Variants in MYO16 observed in about 807,000 individuals in gnomAD.
MYO16 encodes myosin XVI, also known as unconventional myosin-XVI.
A neutral mutation model predicts 205.3 loss-of-function variants in MYO16; 94 were observed. The observed-to-expected ratio is 0.46, with a 90% CI of 0.39 to 0.54. The LOEUF (loss-of-function observed/expected upper bound fraction) is 0.54, where lower values mean the gene tolerates loss of function less well. MYO16 is among the 20% of genes least tolerant of loss of function. The pLI, the probability that MYO16 is intolerant of heterozygous loss-of-function variation, is 0.00. For synonymous variants in MYO16, 988 were observed against 954.0 expected (o/e 1.04, Z -0.66); for missense variants, 2,315 against 2,387.5 (o/e 0.97, Z 0.63).
the MYO16 span, among the ~76,000 whole-genome samples, chr13:108,523,917 G>A: frequency 2.6e-5 from 4 of 152,222 alleles, no homozygotes; most frequent in East Asian, 1.9e-4. Context: ...GATCCTAGGC[G>A]TGGATTTCTC....
intron 16 of MYO16, among the ~76,000 whole-genome samples, chr13:108,950,807 C>T (rs143733142): frequency 9.2e-4 from 140 of 152,268 alleles, no homozygotes; most frequent in Admixed American, 2.9e-3. Context: ...GTTTCTCAGA[C>T]GGGTAAGTGG....
chr13:108,976,463 C>G (rs1469335774), intron 20 of MYO16, among the ~76,000 whole-genome samples: 1 of 152,090 alleles, frequency 6.6e-6, no homozygotes, highest in Admixed American at 6.6e-5. Flanking sequence ...TTTCCACTTT[C>G]CTTGTATCAG....
the MYO16 span, among the ~76,000 whole-genome samples, chr13:108,553,287 G>A: frequency 2.6e-5 from 4 of 151,974 alleles, no homozygotes; most frequent in African/African-American, 9.7e-5. Context: ...CACCGCGCCT[G>A]GCGTTAATAC....
At chr13:108,829,156 G>T (rs1876460430) in intron 9 of MYO16, among the ~76,000 whole-genome samples, 1 of 152,126 alleles carries the variant, frequency 6.6e-6, no homozygotes, top group Non-Finnish European at 1.5e-5. Flanking sequence ...TGTAGGCTCT[G>T]GTCTAACCCT....
chr13:108,694,559 T>C (rs1883018720), intron 2 of MYO16, among the ~76,000 whole-genome samples: 1 of 152,220 alleles, frequency 6.6e-6, no homozygotes, highest in Non-Finnish European at 1.5e-5. Flanking sequence ...TATTTTTGTT[T>C]GACTTTTTGT....
chr13:108,838,882 T>C (rs151127468), intron 9 of MYO16, among the ~76,000 whole-genome samples: 30 of 152,144 alleles, frequency 2.0e-4, no homozygotes, highest in African/African-American at 7.0e-4. Context: ...TGAATGAAGT[T>C]ACAGCAGACA....
intron 31 of MYO16, among the ~76,000 whole-genome samples, chr13:109,136,321 C>T (rs1876773188): frequency 1.3e-5 from 2 of 152,066 alleles, no homozygotes; most frequent in Admixed American, 6.5e-5. Context: ...TCTTGAACTC[C>T]TGACCTTGTG....
chr13:108,573,384 A>C, the MYO16 span, among the ~76,000 whole-genome samples: 1 of 152,230 alleles, frequency 6.6e-6, no homozygotes, highest in South Asian at 2.1e-4. Context: ...AAATTTTAAA[A>C]ATGTAGGACT....
the MYO16 span, among the ~76,000 whole-genome samples, chr13:108,563,951 T>C: frequency 6.6e-6 from 1 of 152,106 alleles, no homozygotes; most frequent in Non-Finnish European, 1.5e-5. Flanking sequence ...CTAACTTACA[T>C]TCCCACCAAC....
chr13:108,565,050 A>G, the MYO16 span, among the ~76,000 whole-genome samples: 4 of 152,122 alleles, frequency 2.6e-5, no homozygotes, highest in Non-Finnish European at 5.9e-5. Context: ...TTTGGTTATG[A>G]TGCCATTGTA....
intron 3 of MYO16, among the ~76,000 whole-genome samples, chr13:108,726,298 C>T (rs995515494): frequency 2.0e-5 from 3 of 152,074 alleles, no homozygotes; most frequent in Non-Finnish European, 2.9e-5. Flanking sequence ...TGGTGGTTCT[C>T]GCCTGTAATC....
chr13:108,677,682 T>C (rs1460105428), intron 2 of MYO16, among the ~76,000 whole-genome samples: 6 of 152,120 alleles, frequency 3.9e-5, no homozygotes. Context: ...CCATACAATG[T>C]TATTTCTTAG....
intron 12 of MYO16, among the ~76,000 whole-genome samples, chr13:108,868,098 A>C: frequency 6.6e-6 from 1 of 152,306 alleles, no homozygotes; most frequent in South Asian, 2.1e-4. Flanking sequence ...TTTTGAAGCA[A>C]GAATATTACT....
intron 34 of MYO16, among the ~76,000 whole-genome samples, chr13:109,186,351 T>G (rs1879688439): frequency 6.6e-6 from 1 of 152,190 alleles, no homozygotes; most frequent in African/African-American, 2.4e-5. Context: ...CTGCTGCTGC[T>G]GGCCCTAGGG....
chr13:108,811,698 C>A (rs1440689893), intron 7 of MYO16, among the ~76,000 whole-genome samples: 1 of 152,096 alleles, frequency 6.6e-6, no homozygotes. Context: ...AAACTCCTAC[C>A]CAGTGGACTG....
At chr13:108,630,015 C>G in intron 1 of MYO16, 143 bp downstream of exon 1, 1 of 595,716 alleles carries the variant, frequency 1.7e-6, no homozygotes, top group Non-Finnish European at 2.8e-6. Context: ...GAATATTTTA[C>G]AGGCTGGATA....
rs1876620187 is a variant in MYO16, at chr13:109,133,215, C to T, written c.4051+5665C>T. ...GCAGCCTCAGCAGTCAGCTAGCAGG[C>T]ACTTAATTAAGCATCTTTTTTGTCC... On this transcript the variant is annotated intron_variant, in intron 31 of 34. Coordinates refer to ENST00000457511, the MANE Select transcript of MYO16 (RefSeq NM_001198950.3). 2.0e-5 allele frequency among the ~76,000 whole-genome samples: 3 copies of T among 152,184 alleles called. No homozygotes were observed. In the South Asian group the frequency reaches 6.2e-4, roughly 32 times the overall value.
At chr13:108,819,030 T>C (rs1368969586) in intron 7 of MYO16, among the ~76,000 whole-genome samples, 1 of 152,128 alleles carries the variant, frequency 6.6e-6, no homozygotes, top group Non-Finnish European at 1.5e-5. Flanking sequence ...CTGAGCAATC[T>C]CTTGGAAAAA....
intron 32 of MYO16, among the ~76,000 whole-genome samples, chr13:109,161,919 C>T (rs2139868463): frequency 6.6e-6 from 1 of 152,082 alleles, no homozygotes; most frequent in South Asian, 2.1e-4. Flanking sequence ...GAAACCCTCA[C>T]TCTCCTAAAA....
Sources: allele counts gnomAD v4.1 joint callset (sites outside exome capture counted in the v4.1 genomes callset), GRCh38; gene constraint gnomAD v4.1.1; transcripts MANE v1.5; gene names NCBI Gene and HGNC (gene_info 2026-07-23, HGNC 2026-07-21).